Variants in RYR3 observed in about 807,000 individuals in gnomAD.
RYR3 encodes ryanodine receptor 3.
In RYR3, 207 loss-of-function variants were observed where a neutral mutation model predicts 584.3. That is an observed-to-expected ratio of 0.35 (90% CI 0.32 to 0.40). RYR3 has a LOEUF of 0.40. Among genes scored for constraint, RYR3 ranks in the 10% least tolerant of loss-of-function variants. RYR3 has a pLI of 1.00. For synonymous variants in RYR3, 2,416 were observed against 2,248.5 expected, an observed-to-expected ratio of 1.07 and a Z score of -2.11; for missense variants, 5,616 against 6,089.2, an observed-to-expected ratio of 0.92 and a Z score of 2.59.
chr15:33,490,440 A>C (rs1160879846), intron 2 of RYR3, among the ~76,000 whole-genome samples: 2 of 152,170 alleles, frequency 1.3e-5, no homozygotes, highest in African/African-American at 2.4e-5. Context: ...TCTACTTCAA[A>C]ATAGAACAGA....
In RYR3 at chr15:33,412,393, G is replaced by T. The variant is rs370199155; in HGVS notation, c.52-61026G>T. 6.6e-6 allele frequency among the ~76,000 whole-genome samples: 1 copy of T among 152,094 alleles called. No homozygotes were observed. The highest frequency in any genetic ancestry group is 2.4e-5 in the African/African-American group (1 of 41,404). ...TCTCAGTGGGAGACAAACTGACAGC[G>T]GAAACCCTGGCTCTATTTAAGGCTT... On this transcript the variant is annotated intron_variant, in intron 1 of 103. Coordinates refer to ENST00000634891, the MANE Select transcript of RYR3 (RefSeq NM_001036.6). The surrounding 1 kb of genome is among the most constrained non-coding windows in gnomAD (Gnocchi z 4.3).
intron 89 of RYR3, 177 bp from the exon 90 acceptor site, chr15:33,840,648 C>G (rs1596948400): frequency 3.3e-6 from 2 of 609,610 alleles, no homozygotes; most frequent in Non-Finnish European, 5.8e-6. Context: ...GTCTTGGCAT[C>G]TCTTCAGAGT....
intron 3 of RYR3, among the ~76,000 whole-genome samples, chr15:33,517,291 C>T (rs1174498218): frequency 3.3e-5 from 5 of 152,210 alleles, no homozygotes; most frequent in African/African-American, 9.7e-5. Flanking sequence ...CTGTGCCCAG[C>T]CTCTTCTACC....
Position 33,634,729 on chromosome 15 carries a change from A to C in RYR3, c.3171A>C (p.Glu1057Asp). ...ATAACATTGAGCCATCAGACCAAGA[A>C]CTAGGTAATGAGTTGAGAGTGTTTA... The part of the protein sequence containing the change: ...YGYNIEPSDQ[E>D]LADSAVEKVS... Residue 1057 changes from glutamate (E) to aspartate (D), a missense_variant, in exon 25 of 104, where the codon GAA becomes GAC. Glu to Asp is a conservative substitution (Grantham distance 45). Transcript: ENST00000634891. The C allele has an allele frequency of 6.2e-7, 1 of 1,613,872 alleles. No homozygotes were observed. The highest frequency in any genetic ancestry group is 8.5e-7 in the Non-Finnish European group (1 of 1,179,784).
In RYR3 at chr15:33,755,169, T is replaced by C; in HGVS notation, c.8504T>C (p.Ile2835Thr). Residue 2835 changes from isoleucine to threonine, a missense_variant, in exon 58 of 104, where the codon ATT becomes ACT. By Grantham distance (89) the Ile-to-Thr change is moderately conservative. Around this residue, in one of 9 missense-constraint regions of RYR3, gnomAD observed 1,280 missense variants for 1,426.2 expected, o/e 0.90. Transcript: ENST00000634891. ...LKYVDSAQEF[I>T]AHLEAIVSSG... ...TACGTTGATTCTGCTCAAGAATTTATTGCCCATTTAGGTAAGTATCATCAT... is the reference window on the plus strand; with the variant it reads ...TACGTTGATTCTGCTCAAGAATTTACTGCCCATTTAGGTAAGTATCATCAT... 6.3e-7 allele frequency: 1 copy of C among 1,596,496 alleles called. No homozygotes were observed. The highest frequency in any genetic ancestry group is 8.6e-7 in the Non-Finnish European group (1 of 1,165,318).
intron 1 of RYR3, among the ~76,000 whole-genome samples, chr15:33,348,101 A>G (rs1388918268): frequency 2.0e-5 from 3 of 152,184 alleles, no homozygotes; most frequent in East Asian, 1.9e-4. Flanking sequence ...CTTCAACTCT[A>G]TACATTATCA....
chr15:33,438,800 AC>A (rs57557029), intron 1 of RYR3, among the ~76,000 whole-genome samples: 35,795 of 152,026 alleles, frequency 0.24, 4,358 homozygotes, highest in Middle Eastern at 0.33. Context: ...AAACCTAATA[AC>A]TAAAAGAATG....
chr15:33,847,306 C>T (rs1433674897), intron 93 of RYR3: 2 of 152,216 alleles, frequency 1.3e-5, no homozygotes, highest in Non-Finnish European at 2.9e-5. Flanking sequence ...CTTTACAAAT[C>T]ACTGTCTGAA....
At chr15:33,315,134 C>G (rs77525280) in intron 1 of RYR3, among the ~76,000 whole-genome samples, 4,152 of 152,242 alleles carry the variant, frequency 0.027, 65 homozygotes, top group Non-Finnish European at 0.037. Flanking sequence ...GGATTGGTCC[C>G]TTGTCTTGGG....
intron 1 of RYR3, among the ~76,000 whole-genome samples, chr15:33,336,446 GA>G (rs767737161): frequency 0.07 from 1,258 of 17,912 alleles, 258 homozygotes; most frequent in Non-Finnish European, 0.085. Context: ...AAGAAAGAGA[GA>G]GAGAGAGAGA....
chr15:33,860,101 G>A (rs1468693533), intron 100 of RYR3, among the ~76,000 whole-genome samples: 2 of 151,392 alleles, frequency 1.3e-5, no homozygotes, highest in African/African-American at 4.8e-5. Flanking sequence ...CAGGGGAGGG[G>A]AGGGAAAGAA....
At chr15:33,337,934 A>ATTTTTTTTTTTTTTTTTTT (rs199625940) in intron 1 of RYR3, among the ~76,000 whole-genome samples, 2 of 113,550 alleles carry the variant, frequency 1.8e-5, no homozygotes, top group Non-Finnish European at 3.5e-5. Context: ...ATTTTAGGAG[A>ATTTTTTTTTTTTTTTTTTT]TTTTTTTTTT....
At chr15:33,809,336 C>G (rs887738868) in intron 70 of RYR3, among the ~76,000 whole-genome samples, 5 of 152,188 alleles carry the variant, frequency 3.3e-5, no homozygotes, top group Non-Finnish European at 5.9e-5. Context: ...TTGGTGAGCA[C>G]CGCTTCTTTC....
rs1419409537 is a variant in RYR3, at chr15:33,857,926, C to G, written c.14142+12C>G. The stretch of plus-strand genomic sequence containing the variant: ...ACGACATGATGACGGTGAGAGCCCA[C>G]CCACTGCGGGGCCAGCCCACCCACT... On this transcript the variant is annotated intron_variant, in intron 99 of 103. Coordinates refer to ENST00000634891, the MANE Select transcript of RYR3 (RefSeq NM_001036.6). 1 of 1,379,984 alleles carries G rather than the reference C, an allele frequency of 7.2e-7. No individual in the cohort carries two copies. Among genetic ancestry groups the G allele is most frequent in the Non-Finnish European group, 9.6e-7 (1 of 1,037,544 alleles). 85.5% of individuals were successfully genotyped at this position (1,379,984 alleles called of 1,614,324 possible). A position where few individuals can be genotyped will look rare whatever the true frequency, so the allele number is the denominator to read the frequency against.
At chr15:33,846,040 A>G (rs764641678) in intron 93 of RYR3, among the ~76,000 whole-genome samples, 5 of 152,168 alleles carry the variant, frequency 3.3e-5, no homozygotes, top group Admixed American at 2.6e-4. Context: ...CCACAGGGGG[A>G]CAACTGGAAG....
At chr15:33,424,149 A>G (rs2044433946) in intron 1 of RYR3, among the ~76,000 whole-genome samples, 1 of 152,228 alleles carries the variant, frequency 6.6e-6, no homozygotes, top group Non-Finnish European at 1.5e-5. Flanking sequence ...TTAAGTGCAC[A>G]GGCATCAGAA....
intron 1 of RYR3, among the ~76,000 whole-genome samples, chr15:33,425,885 G>A (rs2596226): frequency 0.11 from 17,185 of 152,026 alleles, 1,081 homozygotes; most frequent in Non-Finnish European, 0.14. Flanking sequence ...CTCGTGATCC[G>A]CCCGCCTTGG....
At chr15:33,767,974 C>A (rs1297872242) in intron 60 of RYR3, among the ~76,000 whole-genome samples, 1 of 152,182 alleles carries the variant, frequency 6.6e-6, no homozygotes, top group Non-Finnish European at 1.5e-5. Context: ...ACAGCTGAAC[C>A]TTCAGTGGTT....
At chr15:33,316,835 G>A (rs751408252) in intron 1 of RYR3, among the ~76,000 whole-genome samples, 4 of 152,318 alleles carry the variant, frequency 2.6e-5, no homozygotes, top group East Asian at 3.9e-4. Flanking sequence ...CCCAGTTGCC[G>A]CCATCTCTAA....
Sources: allele counts gnomAD v4.1 joint callset (sites outside exome capture counted in the v4.1 genomes callset), GRCh38; gene constraint gnomAD v4.1.1; regional missense constraint gnomAD v4.1.1; non-coding constraint Gnocchi (gnomAD v3.1); transcripts MANE v1.5; gene names NCBI Gene and HGNC (gene_info 2026-07-23, HGNC 2026-07-21).